The following SRGAP1 variants were observed in gnomAD, a reference collection of about 807,000 sequenced individuals.
SRGAP1 encodes SLIT-ROBO Rho GTPase activating protein 1, also known as SLIT-ROBO Rho GTPase-activating protein 1.
Under a neutral mutation model 121.9 loss-of-function variants are expected in SRGAP1, and 43 were observed. The ratio of observed to expected loss-of-function variants is 0.35; its 90% CI spans 0.28 to 0.46. The LOEUF is 0.46. Among genes scored for constraint, SRGAP1 ranks in the 20% least tolerant of loss-of-function variants. SRGAP1 has a pLI of 1.00. For missense variants in SRGAP1, 1,102 were observed against 1,350.9 expected, an observed-to-expected ratio of 0.82 and a Z score of 2.89; for synonymous variants, 447 against 485.4, an observed-to-expected ratio of 0.92 and a Z score of 1.04.
chr12:63,934,747 G>C (rs975396259), intron 1 of SRGAP1, among the ~76,000 whole-genome samples: 1 of 152,112 alleles, frequency 6.6e-6, no homozygotes, highest in African/African-American at 2.4e-5. Context: ...AAGAGTGGAA[G>C]GAAATTTGAG....
chr12:64,067,796 AAGG>A (rs2035566717), intron 8 of SRGAP1, among the ~76,000 whole-genome samples: 1 of 152,060 alleles, frequency 6.6e-6, no homozygotes, highest in South Asian at 2.1e-4. Flanking sequence ...GAGCCAAGTT[AAGG>A]AGTTTTGTTA....
intron 1 of SRGAP1, among the ~76,000 whole-genome samples, chr12:63,924,986 G>A (rs1015767785): frequency 6.6e-6 from 1 of 152,022 alleles, no homozygotes; most frequent in East Asian, 1.9e-4. Flanking sequence ...TCTGGTTGGA[G>A]GCTATTTATG....
At chr12:64,064,603 T>G (rs1176008358) in intron 7 of SRGAP1, among the ~76,000 whole-genome samples, 1 of 151,062 alleles carries the variant, frequency 6.6e-6, no homozygotes, top group African/African-American at 2.5e-5. Context: ...CCCTGTGATA[T>G]AAGAACTCTT....
At chr12:63,928,037 C>G (rs998234836) in intron 1 of SRGAP1, among the ~76,000 whole-genome samples, 1 of 152,082 alleles carries the variant, frequency 6.6e-6, no homozygotes, top group Non-Finnish European at 1.5e-5. Flanking sequence ...TTTTCAGGAA[C>G]CCACTCAGGA....
chr12:64,099,280 A>G (rs2036217240), intron 15 of SRGAP1, among the ~76,000 whole-genome samples: 2 of 152,220 alleles, frequency 1.3e-5, no homozygotes, highest in South Asian at 4.1e-4. Flanking sequence ...TAATATGTGT[A>G]AAATGCCAAG....
At chr12:64,008,424 A>ATT (rs1727282455) in intron 3 of SRGAP1, among the ~76,000 whole-genome samples, 1 of 152,192 alleles carries the variant, frequency 6.6e-6, no homozygotes. Context: ...ATTGGTGACC[A>ATT]GTTAACTGGC....
Position 64,055,695 on chromosome 12 carries a change from C to A in SRGAP1, c.802-7222C>A, listed in dbSNP as rs538622924. ...AACAGAGTAGTTGGCTTTTAAAGTT[C>A]TTTTCAGTGGAGGTTCCAGGAGTCT... is the stretch of plus-strand genomic sequence containing the variant. On this transcript the variant is annotated intron_variant, in intron 6 of 21. Coordinates refer to ENST00000355086, the MANE Select transcript of SRGAP1 (RefSeq NM_020762.4). Among the ~76,000 whole-genome samples the A allele has an allele frequency of 4.6e-5, 7 of 152,212 alleles. No individual in the cohort carries two copies. In the East Asian group the frequency reaches 1.4e-3, roughly 29 times the overall value.
intron 3 of SRGAP1, among the ~76,000 whole-genome samples, chr12:64,005,007 A>G (rs1473319465): frequency 6.6e-6 from 1 of 152,232 alleles, no homozygotes; most frequent in East Asian, 1.9e-4. Context: ...CTTGGAATAT[A>G]TCAACCTAAA....
intron 10 of SRGAP1, among the ~76,000 whole-genome samples, chr12:64,086,722 G>GAAAAA (rs3057149): frequency 3.3e-5 from 4 of 120,250 alleles, no homozygotes; most frequent in Non-Finnish European, 5.1e-5. Flanking sequence ...TTTCTTTTCT[G>GAAAAA]AAAAAAAAAA....
intron 6 of SRGAP1, among the ~76,000 whole-genome samples, chr12:64,044,674 C>CT (rs558248193): frequency 0.016 from 1,122 of 72,066 alleles, 92 homozygotes; most frequent in Admixed American, 0.093. Flanking sequence ...TGATGTGCCT[C>CT]TTTTTTTTTT....
intron 15 of SRGAP1, among the ~76,000 whole-genome samples, chr12:64,099,116 C>G (rs1486781802): frequency 6.6e-6 from 1 of 152,206 alleles, no homozygotes; most frequent in African/African-American, 2.4e-5. Flanking sequence ...GCTCTGGATT[C>G]AAAGAGCCTA....
chr12:63,919,521 T>TATATATATATATATAC (rs1491241907), intron 1 of SRGAP1, among the ~76,000 whole-genome samples: 8 of 139,128 alleles, frequency 5.8e-5, no homozygotes, highest in African/African-American at 2.0e-4. Context: ...TATATATATA[T>TATATATATATATATAC]ACACATACAC....
intron 1 of SRGAP1, among the ~76,000 whole-genome samples, chr12:63,894,787 C>A (rs1347434250): frequency 6.6e-6 from 1 of 152,172 alleles, no homozygotes; most frequent in Non-Finnish European, 1.5e-5. Context: ...CATGTCCCTA[C>A]AAAGGACATG....
chr12:64,091,479 C>T, intron 12 of SRGAP1, 101 bp downstream of exon 12: 1 of 736,558 alleles, frequency 1.4e-6, no homozygotes, highest in Admixed American at 3.0e-5. Context: ...CAAGTCTGTC[C>T]TGGGGCTCTT....
chr12:63,905,621 C>T (rs1454392555), intron 1 of SRGAP1, among the ~76,000 whole-genome samples: 2 of 152,004 alleles, frequency 1.3e-5, no homozygotes, highest in African/African-American at 2.4e-5. Context: ...GTCAGTACGT[C>T]GGAAAGGAGA....
chr12:63,941,594 G>T (rs1335077113), intron 1 of SRGAP1, among the ~76,000 whole-genome samples: 1 of 150,936 alleles, frequency 6.6e-6, no homozygotes, highest in Admixed American at 6.6e-5. Flanking sequence ...AGTAAAATGT[G>T]TGAACATTTT....
At position 64,146,957 on chromosome 12, in the gene SRGAP1, GTA is replaced by G; in HGVS notation, c.*4287_*4288del. The G allele has an allele frequency of 6.6e-6, 1 of 151,728 alleles. No homozygotes were observed. The highest frequency in any genetic ancestry group is 2.1e-4 in the South Asian group (1 of 4,808). 9.4% of individuals were successfully genotyped at this position (151,728 alleles called of 1,614,324 possible). A position where few individuals can be genotyped will look rare whatever the true frequency, so the allele number is the denominator to read the frequency against. On this transcript the variant is annotated 3_prime_UTR_variant, in exon 22 of 22. Transcript: ENST00000355086. ...GTCTTTAAATTACGTAGGGAATTTT[GTA>G]TGTTTAAATAATTGTACTGGGTTCC...
In SRGAP1 at chr12:64,097,196, A is replaced by G. The variant is rs539739947; in HGVS notation, c.1679-45A>G. On this transcript the variant is annotated intron_variant, in intron 14 of 21. Transcript: ENST00000355086. ...CATAGAAATATATTTTTGTTCAGAG[A>G]AAAAGAAGCACTGTTAATGTAATGA... 7.1e-6 allele frequency: 11 copies of G among 1,550,042 alleles called. No individual in the cohort carries two copies. In the African/African-American group the frequency reaches 1.4e-4, roughly 20 times the overall value.
chr12:64,015,936 C>A (rs2034390452), intron 3 of SRGAP1, among the ~76,000 whole-genome samples: 1 of 152,218 alleles, frequency 6.6e-6, no homozygotes, highest in South Asian at 2.1e-4. Context: ...TATATGATTT[C>A]CTTAAAATAA....
Sources: gnomAD v4.1 joint callset for allele counts (sites outside exome capture counted in the v4.1 genomes callset) on GRCh38, gnomAD v4.1.1 for gene constraint, MANE v1.5 for transcripts, NCBI Gene and HGNC (gene_info 2026-07-23, HGNC 2026-07-21) for gene names.